DSCAM: variants seen among roughly 807,000 people sequenced by gnomAD.
The protein encoded by DSCAM is cell adhesion molecule DSCAM.
Under a neutral mutation model 217.7 loss-of-function variants are expected in DSCAM, and 47 were observed. That is an observed-to-expected ratio of 0.22 (90% CI 0.17 to 0.28). The LOEUF is 0.28. DSCAM is among the 10% of genes least tolerant of loss of function. DSCAM has a pLI of 1.00. For synonymous variants in DSCAM, 1,056 were observed against 1,015.3 expected (o/e 1.04, Z -0.76); for missense variants, 2,080 against 2,618.3 (o/e 0.79, Z 4.49).
chr21:40,835,447 T>C (rs1601328060), intron 1 of DSCAM, among the ~76,000 whole-genome samples: 1 of 152,182 alleles, frequency 6.6e-6, no homozygotes, highest in African/African-American at 2.4e-5. Flanking sequence ...AACATGAGTA[T>C]AGGAAACTAT....
chr21:40,030,077 CACATGT>C lies in DSCAM; in HGVS notation c.5686+12288_5686+12293del, dbSNP rs540800465. 2.4e-4 allele frequency among the ~76,000 whole-genome samples: 37 copies of C among 152,360 alleles called. No individual in the cohort carries two copies. The South Asian group carries it at 7.5e-3, about 31-fold the overall frequency. The stretch of plus-strand genomic sequence containing the variant: ...GGACACATATATGTTGACACACATG[CACATGT>C]ACGTGGATACATAAGCACATGCTCC... On this transcript the variant is annotated intron_variant, in intron 32 of 32. Transcript: ENST00000400454.
intron 3 of DSCAM, among the ~76,000 whole-genome samples, chr21:40,571,937 C>G (rs577154555): frequency 3.5e-4 from 53 of 152,288 alleles, no homozygotes; most frequent in African/African-American, 1.3e-3. Flanking sequence ...CAAAGAAATC[C>G]TCATTGGAGA....
At chr21:40,613,451 T>C (rs1485393656) in intron 3 of DSCAM, among the ~76,000 whole-genome samples, 4 of 151,886 alleles carry the variant, frequency 2.6e-5, no homozygotes, top group Non-Finnish European at 5.9e-5. Flanking sequence ...TCCTAATTCT[T>C]AAAAAAAAGA....
At chr21:40,687,736 G>T (rs1568985794) in intron 3 of DSCAM, among the ~76,000 whole-genome samples, 1 of 152,134 alleles carries the variant, frequency 6.6e-6, no homozygotes, top group East Asian at 1.9e-4. Flanking sequence ...TACTTCCCCA[G>T]GCAAAACCGT....
At chr21:40,819,056 C>G (rs896241170) in intron 1 of DSCAM, among the ~76,000 whole-genome samples, 1 of 152,184 alleles carries the variant, frequency 6.6e-6, no homozygotes, top group African/African-American at 2.4e-5. Context: ...TTGCTCAACA[C>G]TGACTGAGCA....
chr21:40,779,414 T>C (rs189899091), intron 1 of DSCAM, among the ~76,000 whole-genome samples: 1 of 152,330 alleles, frequency 6.6e-6, no homozygotes, highest in East Asian at 1.9e-4. Context: ...TATTGCCAAA[T>C]TTATCTGAAG....
chr21:40,441,549 C>T (rs2075630547), intron 3 of DSCAM, among the ~76,000 whole-genome samples: 1 of 152,024 alleles, frequency 6.6e-6, no homozygotes, highest in African/African-American at 2.4e-5. Flanking sequence ...TTTATGAAAC[C>T]ATTCACCCTT....
chr21:40,757,808 T>A (rs1024129875), intron 1 of DSCAM, among the ~76,000 whole-genome samples: 1 of 152,198 alleles, frequency 6.6e-6, no homozygotes, highest in Admixed American at 6.5e-5. Flanking sequence ...CAAGTCTCGA[T>A]TGAATCCTCC....
intron 3 of DSCAM, among the ~76,000 whole-genome samples, chr21:40,645,729 G>A (rs1034676066): frequency 6.6e-6 from 1 of 152,068 alleles, no homozygotes; most frequent in African/African-American, 2.4e-5. Context: ...ATGATATTAG[G>A]TCATGGGTCT....
intron 6 of DSCAM, among the ~76,000 whole-genome samples, chr21:40,343,894 T>G (rs1246273731): frequency 1.4e-5 from 2 of 145,656 alleles, no homozygotes; most frequent in Non-Finnish European, 3.0e-5. Context: ...TTATTTCATT[T>G]TATTTATTTT....
intron 3 of DSCAM, among the ~76,000 whole-genome samples, chr21:40,557,737 C>T (rs999589924): frequency 4.6e-5 from 7 of 152,146 alleles, no homozygotes; most frequent in Non-Finnish European, 5.9e-5. Flanking sequence ...TGCAGATGCT[C>T]AATCTTAAAC....
rs1463312436 is a variant in DSCAM, at chr21:40,421,294, T to G, written c.509-52049A>C. ...TAGAACCTGAACACGCCTCCGAAACTGGTGAGACAGAGGAGAGAAACTAAG... is the reference window on the plus strand; with the variant it reads ...TAGAACCTGAACACGCCTCCGAAACGGGTGAGACAGAGGAGAGAAACTAAG... On this transcript the variant is annotated intron_variant, in intron 3 of 32. Coordinates refer to ENST00000400454, the MANE Select transcript of DSCAM (RefSeq NM_001389.5). Among the ~76,000 whole-genome samples, 3 of 152,106 alleles carry G rather than the reference T, an allele frequency of 2.0e-5. No homozygotes were observed. In the East Asian group the frequency reaches 5.8e-4, roughly 29 times the overall value.
intron 11 of DSCAM, among the ~76,000 whole-genome samples, chr21:40,230,459 C>G (rs1280521586): frequency 6.6e-6 from 1 of 152,186 alleles, no homozygotes. Context: ...TCTGTGAGCA[C>G]TGACCTTTTA....
chr21:40,402,923 G>GA (rs1179597224), intron 3 of DSCAM, among the ~76,000 whole-genome samples: 2 of 151,858 alleles, frequency 1.3e-5, no homozygotes, highest in African/African-American at 2.4e-5. Context: ...ACAAGTACAG[G>GA]AAAAAATGAA....
At chr21:40,347,545 A>G in intron 6 of DSCAM, 125 bp downstream of exon 6, 1 of 1,296,104 alleles carries the variant, frequency 7.7e-7, no homozygotes, top group Non-Finnish European at 1.1e-6. Context: ...AGGGTAGAGT[A>G]CTAGCTGGTG....
chr21:40,508,783 A>ATTTT (rs1178142732), intron 3 of DSCAM, among the ~76,000 whole-genome samples: 1 of 24,214 alleles, frequency 4.1e-5, no homozygotes, highest in Non-Finnish European at 6.8e-5. Context: ...ATATATATAT[A>ATTTT]TTTTTTTTTT....
chr21:40,227,551 T>G (rs1569011169), intron 11 of DSCAM, among the ~76,000 whole-genome samples: 1 of 152,228 alleles, frequency 6.6e-6, no homozygotes, highest in Non-Finnish European at 1.5e-5. Context: ...ATTTGAAATG[T>G]GATGACTCTG....
At chr21:40,417,821 A>G (rs558557024) in intron 3 of DSCAM, among the ~76,000 whole-genome samples, 1 of 152,340 alleles carries the variant, frequency 6.6e-6, no homozygotes, top group South Asian at 2.1e-4. Context: ...AAGGATCACA[A>G]TAACAAAATA....
rs1391268658 is a variant in DSCAM, at chr21:40,144,254, G to A, written c.3259+237C>T. Among the ~76,000 whole-genome samples, 1 of 152,220 alleles carries A rather than the reference G, an allele frequency of 6.6e-6. No individual in the cohort carries two copies. Among genetic ancestry groups the A allele is most frequent in the Non-Finnish European group, 1.5e-5 (1 of 68,048 alleles). ...CAATTCTTGTACCTGAAATGAATGA[G>A]GAAGAGTCTGAAAAGGGAGGGACTT... is the stretch of plus-strand genomic sequence containing the variant. On this transcript the variant is annotated intron_variant, in intron 17 of 32. Transcript: ENST00000400454. The surrounding 1 kb of genome is among the most constrained non-coding windows in gnomAD (Gnocchi z 4.8).
Sources: gnomAD v4.1 joint callset for allele counts (sites outside exome capture counted in the v4.1 genomes callset) on GRCh38, gnomAD v4.1.1 for gene constraint, Gnocchi (gnomAD v3.1) non-coding constraint, MANE v1.5 for transcripts, NCBI Gene and HGNC (gene_info 2026-07-23, HGNC 2026-07-21) for gene names.